The following PPARGC1A variants were observed in gnomAD, a reference collection of about 807,000 sequenced individuals.
PPARGC1A encodes the protein peroxisome proliferator-activated receptor gamma coactivator 1-alpha.
PPARGC1A carries 25 observed loss-of-function variants against 88.7 expected under a neutral mutation model. The ratio of observed to expected loss-of-function variants is 0.28; its 90% CI spans 0.21 to 0.39. PPARGC1A has a LOEUF of 0.39. PPARGC1A is among the 10% of genes least tolerant of loss of function. The pLI is 1.00. For missense variants in PPARGC1A, 880 were observed against 968.7 expected (o/e 0.91, Z 1.22); for synonymous variants, 363 against 355.6 (o/e 1.02, Z -0.24).
the PPARGC1A span, among the ~76,000 whole-genome samples, chr4:24,229,927 C>T: frequency 6.6e-6 from 1 of 151,234 alleles, no homozygotes; most frequent in African/African-American, 2.4e-5. Flanking sequence ...ATTCCTATTT[C>T]TCTATAAGGG....
the PPARGC1A span, among the ~76,000 whole-genome samples, chr4:24,264,095 G>A: frequency 5.9e-5 from 9 of 151,928 alleles, no homozygotes; most frequent in Admixed American, 2.0e-4. Context: ...TTACCTTATT[G>A]TAAGAATAAA....
At chr4:23,841,297 T>C (rs544638706) in intron 2 of PPARGC1A, among the ~76,000 whole-genome samples, 3 of 152,128 alleles carry the variant, frequency 2.0e-5, no homozygotes, top group East Asian at 3.9e-4. Flanking sequence ...GGTGACCTTC[T>C]TCATTCCATA....
At chr4:24,019,881 A>C in the PPARGC1A span, among the ~76,000 whole-genome samples, 1 of 152,192 alleles carries the variant, frequency 6.6e-6, no homozygotes, top group African/African-American at 2.4e-5. Flanking sequence ...TAATTGAAAA[A>C]TCATTCACTT....
chr4:24,281,887 C>CA, the PPARGC1A span, among the ~76,000 whole-genome samples: 1 of 152,134 alleles, frequency 6.6e-6, no homozygotes, highest in Non-Finnish European at 1.5e-5. Context: ...TATCAAATTC[C>CA]CACAGCAAGC....
chr4:24,370,945 G>A, the PPARGC1A span, among the ~76,000 whole-genome samples: 3,086 of 151,352 alleles, frequency 0.02, 101 homozygotes, highest in African/African-American at 0.071. Flanking sequence ...CCTCACTCCC[G>A]AAAGTCCCTG....
intron 1 of PPARGC1A, chr4:23,889,195 C>T (rs1577669651): frequency 2.0e-6 from 2 of 985,376 alleles, no homozygotes; most frequent in Non-Finnish European, 2.4e-6. Context: ...AAACTCTATT[C>T]TCTCTCAGCT....
chr4:24,437,528 C>T, the PPARGC1A span, among the ~76,000 whole-genome samples: 3 of 152,076 alleles, frequency 2.0e-5, no homozygotes, highest in Admixed American at 6.6e-5. Flanking sequence ...GGCAACCCCT[C>T]GGGGCTCTGA....
the PPARGC1A span, among the ~76,000 whole-genome samples, chr4:24,096,243 C>G: frequency 1.3e-5 from 2 of 152,260 alleles, no homozygotes; most frequent in Non-Finnish European, 2.9e-5. Context: ...TTTCCTGGGG[C>G]CTCCTAGCAA....
chr4:23,814,157 C>T lies in PPARGC1A; in HGVS notation c.1326G>A (p.Lys442=), dbSNP rs775930790. 1 of 1,614,126 alleles carries T rather than the reference C, an allele frequency of 6.2e-7. No individual in the cohort carries two copies. Among genetic ancestry groups the T allele is most frequent in the South Asian group, 1.1e-5 (1 of 91,084 alleles). The change falls in exon 8 of 13, where the codon AAG becomes AAA. Residue 442 remains lysine (K), a synonymous_variant. Coordinates refer to ENST00000264867, the MANE Select transcript of PPARGC1A (RefSeq NM_013261.5). ...CYLRETLEAS[K]QVSPCSTRKQ... is the part of the protein sequence containing the mutation. ...TTCTTGTGCTGCAAGGAGAGACCTG[C>T]TTGCTTGCCTCCAAAGTCTCTCTCA...
the PPARGC1A span, among the ~76,000 whole-genome samples, chr4:24,472,078 C>T: frequency 1.3e-5 from 2 of 152,112 alleles, no homozygotes; most frequent in Non-Finnish European, 2.9e-5. The surrounding 1 kb of genome is among the most constrained non-coding windows in gnomAD (Gnocchi z 4.5). Context: ...TTCGGGGTAA[C>T]GCGCCGGCTC....
At chr4:24,061,230 C>T in the PPARGC1A span, among the ~76,000 whole-genome samples, 1 of 152,194 alleles carries the variant, frequency 6.6e-6, no homozygotes, top group African/African-American at 2.4e-5. Context: ...ACTGTTTCAG[C>T]CTTAAGTGGG....
chr4:24,178,745 G>T, the PPARGC1A span, among the ~76,000 whole-genome samples: 1 of 152,148 alleles, frequency 6.6e-6, no homozygotes, highest in Admixed American at 6.6e-5. Context: ...GCTTTGTTGC[G>T]AATGCTAAAG....
intron 12 of PPARGC1A, among the ~76,000 whole-genome samples, chr4:23,796,147 C>T (rs1286298068): frequency 6.6e-6 from 1 of 152,052 alleles, no homozygotes; most frequent in Non-Finnish European, 1.5e-5. Context: ...GGCTTAAACA[C>T]CCTGGGAGTT....
the PPARGC1A span, among the ~76,000 whole-genome samples, chr4:24,017,623 T>A: frequency 6.6e-6 from 1 of 152,304 alleles, no homozygotes; most frequent in South Asian, 2.1e-4. Context: ...ATACTTCTTC[T>A]AAATTTGTAC....
chr4:24,168,221 C>T, the PPARGC1A span, among the ~76,000 whole-genome samples: 7 of 151,956 alleles, frequency 4.6e-5, no homozygotes, highest in African/African-American at 1.2e-4. Flanking sequence ...GGTCTGAGAC[C>T]GAATCTGCAA....
the PPARGC1A span, among the ~76,000 whole-genome samples, chr4:24,348,700 C>T: frequency 3.3e-4 from 50 of 152,018 alleles, no homozygotes; most frequent in African/African-American, 1.2e-3. Flanking sequence ...ATGAATATTT[C>T]TCCCTTCACT....
chr4:23,993,102 A>G, the PPARGC1A span, among the ~76,000 whole-genome samples: 3 of 151,862 alleles, frequency 2.0e-5, no homozygotes, highest in Non-Finnish European at 2.9e-5. Context: ...TAAAGCAAAC[A>G]AAAAAAAGGG....
the PPARGC1A span, among the ~76,000 whole-genome samples, chr4:24,158,753 G>C: frequency 3.3e-5 from 5 of 152,274 alleles, no homozygotes; most frequent in South Asian, 8.3e-4. Flanking sequence ...ATTGAGAAAG[G>C]CTATAAAGAA....
the PPARGC1A span, among the ~76,000 whole-genome samples, chr4:24,072,082 C>G: frequency 6.7e-6 from 1 of 149,012 alleles, no homozygotes; most frequent in African/African-American, 2.4e-5. Context: ...ACCATTGTTT[C>G]CTAGTATTAG....
Sources: gnomAD v4.1 joint callset for allele counts (sites outside exome capture counted in the v4.1 genomes callset) on GRCh38, gnomAD v4.1.1 for gene constraint, Gnocchi (gnomAD v3.1) non-coding constraint, MANE v1.5 for transcripts, NCBI Gene and HGNC (gene_info 2026-07-23, HGNC 2026-07-21) for gene names.